Variants in XPR1 observed in about 807,000 individuals in gnomAD.
XPR1 encodes the protein solute carrier family 53 member 1.
A neutral mutation model predicts 87.5 loss-of-function variants in XPR1; 28 were observed. The observed-to-expected ratio is 0.32, with a 90% CI of 0.24 to 0.44. The LOEUF (loss-of-function observed/expected upper bound fraction) is 0.44. Ranked by LOEUF, XPR1 falls within the 20% of genes least tolerant of loss-of-function variation. The pLI, the probability that XPR1 is intolerant of heterozygous loss-of-function variation, is 1.00. For synonymous variants in XPR1, 300 were observed against 306.1 expected, an observed-to-expected ratio of 0.98 and a Z score of 0.21; for missense variants, 559 against 862.3, an observed-to-expected ratio of 0.65 and a Z score of 4.41.
intron 2 of XPR1, among the ~76,000 whole-genome samples, chr1:180,779,851 G>A (rs1648868506): frequency 6.6e-6 from 1 of 151,838 alleles, no homozygotes; most frequent in South Asian, 2.1e-4. Flanking sequence ...GCCCCTGCCT[G>A]CCAACCACCA....
At chr1:180,717,993 T>C (rs965541897) in intron 2 of XPR1, among the ~76,000 whole-genome samples, 1 of 152,218 alleles carries the variant, frequency 6.6e-6, no homozygotes. Flanking sequence ...GATAGAAGAA[T>C]GGTAGCATGA....
intron 2 of XPR1, among the ~76,000 whole-genome samples, chr1:180,704,456 A>G (rs1657482485): frequency 6.6e-6 from 1 of 151,256 alleles, no homozygotes; most frequent in Admixed American, 6.6e-5. Flanking sequence ...CAGATTGTAT[A>G]GGAAAGATAG....
chr1:180,790,928 A>G (rs1649354888), intron 3 of XPR1, among the ~76,000 whole-genome samples: 1 of 152,222 alleles, frequency 6.6e-6, no homozygotes. Flanking sequence ...GTTCTCAAGA[A>G]GAAAGATAAT....
At chr1:180,860,355 C>G (rs1177479458) in intron 11 of XPR1, among the ~76,000 whole-genome samples, 3 of 152,056 alleles carry the variant, frequency 2.0e-5, no homozygotes, top group Admixed American at 6.6e-5. Flanking sequence ...CAGTCTCACT[C>G]CTATCCAAGG....
chr1:180,836,853 A>G (rs1214020472), intron 11 of XPR1, 137 bp downstream of exon 11: 1 of 1,001,490 alleles, frequency 1.0e-6, no homozygotes, highest in Admixed American at 2.4e-5. Flanking sequence ...CAGTTATATC[A>G]GTTTGTTCTT....
At chr1:180,813,399 T>G (rs1053096293) in intron 7 of XPR1, among the ~76,000 whole-genome samples, 1 of 152,212 alleles carries the variant, frequency 6.6e-6, no homozygotes, top group African/African-American at 2.4e-5. Context: ...CCTAAAATAA[T>G]CTATTCTGTC....
At chr1:180,701,448 G>T (rs1320415822) in intron 2 of XPR1, among the ~76,000 whole-genome samples, 1,909 of 103,518 alleles carry the variant, frequency 0.018, 1 homozygote, top group Non-Finnish European at 0.02. Context: ...TTTTGTCAAA[G>T]GCTTTTTCTG....
chr1:180,788,057 T>A (rs552202122), intron 3 of XPR1, among the ~76,000 whole-genome samples: 1 of 152,330 alleles, frequency 6.6e-6, no homozygotes, highest in African/African-American at 2.4e-5. Flanking sequence ...CTAGAAACTC[T>A]TGCAGTCAAA....
intron 2 of XPR1, among the ~76,000 whole-genome samples, chr1:180,706,181 A>G (rs2101977013): frequency 6.6e-6 from 1 of 152,330 alleles, no homozygotes; most frequent in South Asian, 2.1e-4. Context: ...AGTGTATTCT[A>G]AGATTTGGAG....
rs6677659 is a variant in XPR1 at position 180,649,434 on chromosome 1, A to C, written c.69+17164A>C. ...TGACAGAGTGAGACTCTGTCTCAAA[A>C]AAAAACAAAAACAAAAACAAAGAAT... On this transcript the variant is annotated intron_variant, in intron 1 of 14. Transcript: ENST00000367590. Among the ~76,000 whole-genome samples, 809 of 152,298 alleles carry C rather than the reference A, an allele frequency of 5.3e-3. 6 individuals are homozygous for C. Among genetic ancestry groups the C allele is most frequent in the African/African-American group, 0.018 (749 of 41,574 alleles).
chr1:180,723,609 C>T (rs915224866), intron 2 of XPR1, among the ~76,000 whole-genome samples: 57 of 152,226 alleles, frequency 3.7e-4, no homozygotes, highest in African/African-American at 1.1e-3. Flanking sequence ...ATAATATAGT[C>T]CCATTCAGAA....
At chr1:180,727,770 T>C (rs1658405786) in intron 2 of XPR1, among the ~76,000 whole-genome samples, 1 of 152,274 alleles carries the variant, frequency 6.6e-6, no homozygotes, top group African/African-American at 2.4e-5. Flanking sequence ...TTCTTGATTA[T>C]GTGCTAAACA....
rs372311507 is a variant in XPR1 at position 180,787,871 on chromosome 1, CT to C, written c.223+27del. 0.013 allele frequency: 16,464 copies of C among 1,273,844 alleles called. No individual in the cohort carries two copies. The highest frequency in any genetic ancestry group is 0.021 in the South Asian group (1,312 of 61,436). The allele number at this position is 1,273,844 out of a possible 1,614,324, so 78.9% of individuals were successfully genotyped here. On this transcript the variant is annotated intron_variant, in intron 3 of 14. Coordinates refer to ENST00000367590, the MANE Select transcript of XPR1 (RefSeq NM_004736.4). The stretch of plus-strand genomic sequence containing the variant: ...TTTATTCAGGTGAGTAATTAAGAGA[CT>C]TTTTTTTTTGCTGCCGGGGAAGGAT...
intron 1 of XPR1, among the ~76,000 whole-genome samples, chr1:180,644,561 G>T (rs1010111401): frequency 1.1e-4 from 16 of 151,920 alleles, no homozygotes; most frequent in African/African-American, 3.9e-4. Flanking sequence ...TTATTTATTA[G>T]ATGTAAGGAC....
At chr1:180,808,525 C>G (rs1018659338) in intron 6 of XPR1, among the ~76,000 whole-genome samples, 1 of 152,066 alleles carries the variant, frequency 6.6e-6, no homozygotes, top group African/African-American at 2.4e-5. Flanking sequence ...AAGCAAGAGA[C>G]TAGCAGAAAA....
chr1:180,874,013 G>A, intron 13 of XPR1, 71 bp downstream of exon 13: 2 of 1,432,782 alleles, frequency 1.4e-6, no homozygotes, highest in Non-Finnish European at 1.9e-6. Context: ...TTACAAATTA[G>A]AATTTATTAT....
intron 3 of XPR1, among the ~76,000 whole-genome samples, chr1:180,796,470 T>A (rs1649577121): frequency 6.6e-6 from 1 of 152,080 alleles, no homozygotes; most frequent in South Asian, 2.1e-4. Flanking sequence ...AGGAAGAGAG[T>A]CATTACTTTA....
intron 2 of XPR1, among the ~76,000 whole-genome samples, chr1:180,688,244 G>A (rs1656857370): frequency 6.7e-6 from 1 of 150,156 alleles, no homozygotes; most frequent in African/African-American, 2.4e-5. Flanking sequence ...GTAGAGATGG[G>A]GTTTTGCCAT....
chr1:180,710,676 G>T (rs913823762), intron 2 of XPR1, among the ~76,000 whole-genome samples: 10 of 152,154 alleles, frequency 6.6e-5, no homozygotes, highest in Non-Finnish European at 1.0e-4. Context: ...CGACAAAACC[G>T]CCATTGTCAT....
Sources: allele counts gnomAD v4.1 joint callset (sites outside exome capture counted in the v4.1 genomes callset), GRCh38; gene constraint gnomAD v4.1.1; transcripts MANE v1.5; gene names NCBI Gene and HGNC (gene_info 2026-07-23, HGNC 2026-07-21).